Variants in TRAPPC9 observed in about 807,000 individuals in gnomAD.
TRAPPC9 encodes the protein trafficking protein particle complex subunit 9.
A neutral mutation model predicts 124.0 loss-of-function variants in TRAPPC9; 83 were observed. The ratio of observed to expected loss-of-function variants is 0.67; its 90% CI spans 0.56 to 0.80. TRAPPC9 has a LOEUF of 0.80. Ranked by LOEUF, TRAPPC9 falls within the 30% of genes least tolerant of loss-of-function variation. TRAPPC9 has a pLI of 0.00. For missense variants in TRAPPC9, 1,302 were observed against 1,508.3 expected, an observed-to-expected ratio of 0.86 and a Z score of 2.27; for synonymous variants, 638 against 617.5, an observed-to-expected ratio of 1.03 and a Z score of -0.49.
chr8:140,234,069 CA>C (rs1348136687), intron 16 of TRAPPC9, among the ~76,000 whole-genome samples: 2 of 152,142 alleles, frequency 1.3e-5, no homozygotes, highest in Middle Eastern at 3.2e-3. Context: ...TCATTGAGAT[CA>C]GGGGTCCCCA....
intron 1 of TRAPPC9, among the ~76,000 whole-genome samples, chr8:140,455,640 G>C (rs550808841): frequency 2.6e-5 from 4 of 151,080 alleles, no homozygotes; most frequent in South Asian, 4.2e-4. Context: ...CATGTTGGCC[G>C]GGATGGTCTC....
rs565182578 is a variant in TRAPPC9, at chr8:139,964,849, T to A, written c.2810+23877A>T. Among the ~76,000 whole-genome samples the A allele has an allele frequency of 2.0e-5, 3 of 152,340 alleles. No individual in the cohort carries two copies. The South Asian group carries it at 6.2e-4, about 32-fold the overall frequency. Reference sequence around the variant, plus strand: ...TCCCACCAAGGACCTTAGACCCCAGTGCTGCTCATACATGCACTTGAGAAG... The same window carrying A: ...TCCCACCAAGGACCTTAGACCCCAGAGCTGCTCATACATGCACTTGAGAAG... On this transcript the variant is annotated intron_variant, in intron 19 of 22. Coordinates refer to ENST00000438773, the MANE Select transcript of TRAPPC9 (RefSeq NM_001160372.4).
intron 19 of TRAPPC9, among the ~76,000 whole-genome samples, chr8:139,923,428 G>C (rs988870052): frequency 6.6e-6 from 1 of 152,092 alleles, no homozygotes. Flanking sequence ...GGGCCTCTGC[G>C]GCCGGCATTG....
intron 9 of TRAPPC9, among the ~76,000 whole-genome samples, chr8:140,311,743 G>C (rs964044934): frequency 7.2e-5 from 11 of 152,288 alleles, no homozygotes; most frequent in Middle Eastern, 3.4e-3. Flanking sequence ...TAATTACCAA[G>C]CAAAATGCCA....
At chr8:139,949,608 C>G (rs530150347) in intron 19 of TRAPPC9, among the ~76,000 whole-genome samples, 5 of 152,206 alleles carry the variant, frequency 3.3e-5, no homozygotes, top group Non-Finnish European at 5.9e-5. Context: ...TGAATAGACC[C>G]TGATTACATT....
In TRAPPC9 at chr8:139,946,458, CTG is replaced by C. The variant is rs1834219600; in HGVS notation, c.2811-36160_2811-36159del. Among the ~76,000 whole-genome samples the C allele has an allele frequency of 2.6e-5, 4 of 152,200 alleles. No individual in the cohort carries two copies. The South Asian group carries it at 8.3e-4, about 31-fold the overall frequency. ...ACACTGACCCTCTCTCCCTTGTCCT[CTG>C]GAGTCGGGAGTGACATGCTTGGAGT... is the stretch of plus-strand genomic sequence containing the variant. On this transcript the variant is annotated intron_variant, in intron 19 of 22. Coordinates refer to ENST00000438773, the MANE Select transcript of TRAPPC9 (RefSeq NM_001160372.4).
chr8:139,981,312 G>C (rs1289074573), intron 19 of TRAPPC9, among the ~76,000 whole-genome samples: 2 of 152,144 alleles, frequency 1.3e-5, no homozygotes, highest in African/African-American at 4.8e-5. Flanking sequence ...CCATCTCCCC[G>C]CATCAGCTGA....
chr8:140,382,346 C>G (rs2068633661), intron 7 of TRAPPC9, among the ~76,000 whole-genome samples: 1 of 152,220 alleles, frequency 6.6e-6, no homozygotes, highest in Admixed American at 6.5e-5. Flanking sequence ...TGAGGCATCG[C>G]CTCACCCAGG....
chr8:139,829,236 T>C (rs1825821655), intron 21 of TRAPPC9, among the ~76,000 whole-genome samples: 1 of 152,272 alleles, frequency 6.6e-6, no homozygotes, highest in Non-Finnish European at 1.5e-5. Context: ...CTCTTCGCTC[T>C]ACGAACCAAT....
intron 21 of TRAPPC9, among the ~76,000 whole-genome samples, chr8:139,875,942 C>T (rs571614574): frequency 5.3e-5 from 8 of 152,144 alleles, no homozygotes; most frequent in Non-Finnish European, 1.0e-4. Flanking sequence ...GGTGGGCAAG[C>T]CCAGCTGCCA....
chr8:139,774,676 C>A (rs527655945), intron 21 of TRAPPC9, among the ~76,000 whole-genome samples: 1 of 152,202 alleles, frequency 6.6e-6, no homozygotes, highest in Non-Finnish European at 1.5e-5. Flanking sequence ...CAACATTTCC[C>A]GGAGGAACGA....
At chr8:139,752,640 T>TCCAAAATCCAC (rs1819403015) in intron 21 of TRAPPC9, among the ~76,000 whole-genome samples, 3 of 150,454 alleles carry the variant, frequency 2.0e-5, no homozygotes, top group African/African-American at 7.4e-5. Context: ...CATCTATCCA[T>TCCAAAATCCAC]CCATCCAAAA....
chr8:139,862,038 T>G (rs1212985965), intron 21 of TRAPPC9, among the ~76,000 whole-genome samples: 1 of 152,238 alleles, frequency 6.6e-6, no homozygotes, highest in Admixed American at 6.5e-5. Context: ...CAGGTGCCTT[T>G]GCTAGGCAGA....
At chr8:140,315,985 T>C (rs1419761858) in intron 9 of TRAPPC9, among the ~76,000 whole-genome samples, 2 of 152,230 alleles carry the variant, frequency 1.3e-5, no homozygotes, top group African/African-American at 4.8e-5. Flanking sequence ...AATTTCCTTA[T>C]GGATTGTATC....
At chr8:139,932,173 A>C in intron 19 of TRAPPC9, 1 of 390,442 alleles carries the variant, frequency 2.6e-6, no homozygotes, top group South Asian at 1.9e-5. Context: ...TTGACCTTAC[A>C]GGGAGGAACA....
In TRAPPC9 at chr8:140,386,136, C is replaced by G. The variant is rs1339197195; in HGVS notation, c.1134+11484G>C. Among the ~76,000 whole-genome samples the G allele has an allele frequency of 2.0e-5, 3 of 152,194 alleles. No individual in the cohort carries two copies. The East Asian group carries it at 5.8e-4, about 29-fold the overall frequency. ...TCAACAGCCCTTCATGCTAAGAACT[C>G]TCAATAAATTAGGTATTGATGGGAT... On this transcript the variant is annotated intron_variant, in intron 7 of 22. Transcript: ENST00000438773.
intron 7 of TRAPPC9, among the ~76,000 whole-genome samples, chr8:140,396,846 A>C (rs2069110696): frequency 6.6e-6 from 1 of 151,690 alleles, no homozygotes; most frequent in African/African-American, 2.4e-5. Flanking sequence ...TGGCACCTGT[A>C]CCTCCAATTT....
rs566124886 is a variant in TRAPPC9 at position 139,984,710 on chromosome 8, G to A, written c.2810+4016C>T. On this transcript the variant is annotated intron_variant, in intron 19 of 22. Coordinates refer to ENST00000438773, the MANE Select transcript of TRAPPC9 (RefSeq NM_001160372.4). This position sits in a 1 kb window ranked among gnomAD's most constrained non-coding sequence, Gnocchi z 4.3. ...GTGTGCATCTGACCCACAGGAGGCC[G>A]GTGAGGCACTGAGAGAGGTTTGGGA... Among the ~76,000 whole-genome samples, 30 of 152,248 alleles carry A rather than the reference G, an allele frequency of 2.0e-4. No individual in the cohort carries two copies. The highest frequency in any genetic ancestry group is 5.3e-4 in the African/African-American group (22 of 41,540).
At chr8:139,860,296 C>T (rs529973015) in intron 21 of TRAPPC9, among the ~76,000 whole-genome samples, 1 of 151,922 alleles carries the variant, frequency 6.6e-6, no homozygotes, top group Admixed American at 6.5e-5. Flanking sequence ...CATGCTGAGG[C>T]TCTCAGAACC....
Sources: allele counts gnomAD v4.1 joint callset (sites outside exome capture counted in the v4.1 genomes callset), GRCh38; gene constraint gnomAD v4.1.1; non-coding constraint Gnocchi (gnomAD v3.1); transcripts MANE v1.5; gene names NCBI Gene and HGNC (gene_info 2026-07-23, HGNC 2026-07-21).